BMAL2: variants seen among roughly 807,000 people sequenced by gnomAD.
The protein encoded by BMAL2 is basic helix-loop-helix ARNT-like protein 2.
chr12:27,354,152 T>C, the BMAL2 span, among the ~76,000 whole-genome samples: 1 of 152,060 alleles, frequency 6.6e-6, no homozygotes, highest in African/African-American at 2.4e-5. Context: ...AAATAGCAAA[T>C]ACAGGGAATC....
the BMAL2 span, among the ~76,000 whole-genome samples, chr12:27,415,411 G>A: frequency 0.86 from 131,264 of 152,182 alleles, 57,045 homozygotes; most frequent in African/African-American, 0.97. Flanking sequence ...TTCTCTATGT[G>A]TGTGTTTCAT....
chr12:27,407,581 T>A, the BMAL2 span, among the ~76,000 whole-genome samples: 1 of 151,892 alleles, frequency 6.6e-6, no homozygotes, highest in Non-Finnish European at 1.5e-5. Flanking sequence ...ATCTCTGGGA[T>A]GCATTCAAAG....
the BMAL2 span, chr12:27,401,146 C>A: frequency 2.4e-6 from 2 of 838,030 alleles, no homozygotes; most frequent in Non-Finnish European, 3.9e-6. Flanking sequence ...ATGGGTCACT[C>A]ATCCCCTACC....
chr12:27,394,291 A>C, the BMAL2 span: 2 of 152,298 alleles, frequency 1.3e-5, no homozygotes, highest in African/African-American at 4.8e-5. Flanking sequence ...CCCTCTTTCC[A>C]GGAAACCATC....
the BMAL2 span, chr12:27,418,212 G>C: frequency 1.3e-6 from 2 of 1,567,208 alleles, no homozygotes; most frequent in African/African-American, 1.4e-5. Context: ...TTTTCTTTGG[G>C]AACTGCTGAC....
chr12:27,354,540 C>T, the BMAL2 span, among the ~76,000 whole-genome samples: 1 of 152,080 alleles, frequency 6.6e-6, no homozygotes, highest in Non-Finnish European at 1.5e-5. Flanking sequence ...ACACATATAA[C>T]AAACCTGCAC....
At chr12:27,354,251 A>G in the BMAL2 span, among the ~76,000 whole-genome samples, 1 of 152,232 alleles carries the variant, frequency 6.6e-6, no homozygotes, top group Non-Finnish European at 1.5e-5. Context: ...AAAAGAATGC[A>G]GTCATGTCCT....
At chr12:27,335,257 G>A in the BMAL2 span, among the ~76,000 whole-genome samples, 1 of 152,018 alleles carries the variant, frequency 6.6e-6, no homozygotes, top group African/African-American at 2.4e-5. Context: ...CCAAACTATG[G>A]GTTTCCCCAC....
chr12:27,365,385 G>A, the BMAL2 span, among the ~76,000 whole-genome samples: 1 of 151,968 alleles, frequency 6.6e-6, no homozygotes, highest in South Asian at 2.1e-4. Context: ...ATAATGTTTT[G>A]TTAAGATTTT....
the BMAL2 span, chr12:27,424,081 A>C: frequency 1.3e-5 from 2 of 152,246 alleles, no homozygotes; most frequent in Non-Finnish European, 2.9e-5. Flanking sequence ...AAAACATTAA[A>C]ATTAGTTCTA....
At chr12:27,374,509 A>G in the BMAL2 span, among the ~76,000 whole-genome samples, 1 of 152,182 alleles carries the variant, frequency 6.6e-6, no homozygotes, top group East Asian at 1.9e-4. Context: ...CCAGTCCCCC[A>G]TGGATGCTGA....
the BMAL2 span, chr12:27,389,938 A>T: frequency 1.5e-6 from 1 of 650,650 alleles, no homozygotes. Flanking sequence ...TTTTTTGGGT[A>T]TATTTCACTT....
chr12:27,395,071 A>G, the BMAL2 span, among the ~76,000 whole-genome samples: 1 of 152,258 alleles, frequency 6.6e-6, no homozygotes, highest in East Asian at 1.9e-4. Context: ...TCAGACTGCA[A>G]ATAACTTGCA....
the BMAL2 span, among the ~76,000 whole-genome samples, chr12:27,349,623 T>G: frequency 2.0e-5 from 3 of 152,234 alleles, no homozygotes; most frequent in African/African-American, 7.2e-5. Context: ...TTGGATCTTA[T>G]GCCTGGCCAT....
the BMAL2 span, among the ~76,000 whole-genome samples, chr12:27,404,804 A>G: frequency 2.0e-5 from 3 of 152,204 alleles, no homozygotes; most frequent in Non-Finnish European, 4.4e-5. Flanking sequence ...AGGGTGAGGC[A>G]TCGCCTCACC....
At chr12:27,413,267 T>C in the BMAL2 span, among the ~76,000 whole-genome samples, 1 of 152,220 alleles carries the variant, frequency 6.6e-6, no homozygotes, top group Admixed American at 6.5e-5. Flanking sequence ...TAAATCACTT[T>C]GAATTCTAAT....
the BMAL2 span, among the ~76,000 whole-genome samples, chr12:27,360,824 A>AAAAAAAAAAAT: frequency 6.7e-6 from 1 of 149,678 alleles, no homozygotes; most frequent in Non-Finnish European, 1.5e-5. Context: ...AAAAAAAAAA[A>AAAAAAAAAAAT]ACAGTACTAA....
At chr12:27,418,307 A>G in the BMAL2 span, 3 of 713,396 alleles carry the variant, frequency 4.2e-6, no homozygotes, top group African/African-American at 3.6e-5. Context: ...TTTTAAAACT[A>G]AGGTTTTTTT....
At chr12:27,334,922 C>A in the BMAL2 span, among the ~76,000 whole-genome samples, 2 of 152,170 alleles carry the variant, frequency 1.3e-5, no homozygotes, top group Admixed American at 6.5e-5. Flanking sequence ...AGTTATACAG[C>A]CAGGACATGA....
Sources: gnomAD v4.1 joint callset for allele counts (sites outside exome capture counted in the v4.1 genomes callset) on GRCh38, gnomAD v4.1.1 for gene constraint, MANE v1.5 for transcripts, NCBI Gene and HGNC (gene_info 2026-07-23, HGNC 2026-07-21) for gene names.